CDH4: variants seen among roughly 807,000 people sequenced by gnomAD.
CDH4 encodes cadherin-4.
CDH4 carries 33 observed loss-of-function variants against 86.0 expected under a neutral mutation model. That is an observed-to-expected ratio of 0.38 (90% CI 0.29 to 0.51). CDH4 has a LOEUF of 0.51. Ranked by LOEUF, CDH4 falls within the 20% of genes least tolerant of loss-of-function variation. The probability of loss-of-function intolerance (pLI) is 0.86; values close to 1 mark genes in which losing one functional copy is unlikely to be tolerated. For synonymous variants in CDH4, 555 were observed against 549.4 expected (o/e 1.01, Z -0.14); for missense variants, 1,114 against 1,307.4 (o/e 0.85, Z 2.28).
chr20:61,841,098 C>T (rs1157976930), intron 4 of CDH4, among the ~76,000 whole-genome samples: 2 of 152,234 alleles, frequency 1.3e-5, no homozygotes, highest in Non-Finnish European at 2.9e-5. Flanking sequence ...CAGACCCCGT[C>T]CCTGGCGCCC....
At chr20:61,638,590 G>C (rs982365703) in intron 2 of CDH4, among the ~76,000 whole-genome samples, 2 of 152,088 alleles carry the variant, frequency 1.3e-5, no homozygotes, top group African/African-American at 4.8e-5. Context: ...TAGTTCCCAG[G>C]GTATTGGCTG....
At chr20:61,916,208 G>A (rs535818433) in intron 9 of CDH4, among the ~76,000 whole-genome samples, 7 of 151,918 alleles carry the variant, frequency 4.6e-5, no homozygotes, top group Non-Finnish European at 8.8e-5. Flanking sequence ...GGGGAGTGGC[G>A]GGTGGTGTGG....
intron 2 of CDH4, among the ~76,000 whole-genome samples, chr20:61,330,885 GT>G (rs2123261560): frequency 6.6e-6 from 1 of 152,252 alleles, no homozygotes; most frequent in Admixed American, 6.5e-5. Flanking sequence ...TAAAGATTGA[GT>G]TGTTTCCAGT....
intron 2 of CDH4, among the ~76,000 whole-genome samples, chr20:61,635,529 C>G (rs1473211900): frequency 6.6e-6 from 1 of 152,194 alleles, no homozygotes; most frequent in Non-Finnish European, 1.5e-5. Flanking sequence ...TTCTGTGTCC[C>G]CTCCATGTTC....
intron 2 of CDH4, among the ~76,000 whole-genome samples, chr20:61,536,460 G>A (rs1245479224): frequency 6.6e-6 from 1 of 151,722 alleles, no homozygotes; most frequent in Non-Finnish European, 1.5e-5. Context: ...GGAAGGGGAG[G>A]GAGTGGGGCA....
intron 2 of CDH4, among the ~76,000 whole-genome samples, chr20:61,657,333 G>A (rs180677073): frequency 1.8e-4 from 28 of 152,368 alleles, no homozygotes; most frequent in Admixed American, 2.6e-4. Context: ...CAAACGGGTT[G>A]CTTCCACAGA....
At chr20:61,519,920 C>T (rs1296741819) in intron 2 of CDH4, among the ~76,000 whole-genome samples, 1 of 152,162 alleles carries the variant, frequency 6.6e-6, no homozygotes, top group Non-Finnish European at 1.5e-5. Context: ...TTAGTGGTGC[C>T]CGCCGACTCT....
chr20:61,644,939 T>C (rs1123085), intron 2 of CDH4, among the ~76,000 whole-genome samples: 27,354 of 152,160 alleles, frequency 0.18, 2,585 homozygotes, highest in South Asian at 0.28. Context: ...AGGGACCCCG[T>C]CAGCCGACTC....
intron 15 of CDH4, among the ~76,000 whole-genome samples, chr20:61,935,413 C>T (rs561814546): frequency 4.6e-5 from 7 of 152,286 alleles, no homozygotes; most frequent in South Asian, 4.1e-4. Context: ...ATAATAAAAA[C>T]GTAAAGATCC....
At chr20:61,515,199 G>A (rs1321901528) in intron 2 of CDH4, among the ~76,000 whole-genome samples, 3 of 152,264 alleles carry the variant, frequency 2.0e-5, no homozygotes, top group Non-Finnish European at 4.4e-5. Flanking sequence ...GCACCGGCAG[G>A]CCCTGCTGCT....
Position 61,518,035 on chromosome 20 carries a change from C to T in CDH4, c.170-225528C>T, listed in dbSNP as rs2085836463. ...GGGGAGGATGCCTCAGCCCAGGTTA[C>T]CTGATCCCTTTTCAGGCGCTATTTT... On this transcript the variant is annotated intron_variant, in intron 2 of 15. Transcript: ENST00000614565. This position sits in a 1 kb window ranked among gnomAD's most constrained non-coding sequence, Gnocchi z 6.3. 6.6e-6 allele frequency among the ~76,000 whole-genome samples: 1 copy of T among 152,158 alleles called. No homozygotes were observed. The highest frequency in any genetic ancestry group is 1.5e-5 in the Non-Finnish European group (1 of 68,030).
At chr20:61,588,780 A>T (rs537116736) in intron 2 of CDH4, among the ~76,000 whole-genome samples, 8 of 152,184 alleles carry the variant, frequency 5.3e-5, no homozygotes, top group Non-Finnish European at 1.0e-4. Context: ...CTTTCCCGAG[A>T]AAAGCCGACA....
chr20:61,482,038 T>C (rs2085571156), intron 2 of CDH4, among the ~76,000 whole-genome samples: 2 of 152,216 alleles, frequency 1.3e-5, no homozygotes, highest in Non-Finnish European at 2.9e-5. Flanking sequence ...TGCAGCTTCA[T>C]TTTTCAGCAA....
chr20:61,788,811 C>T lies in CDH4; in HGVS notation c.576+15629C>T, dbSNP rs373671289. Among the ~76,000 whole-genome samples, 27 of 152,274 alleles carry T rather than the reference C, an allele frequency of 1.8e-4. 1 individual carries two copies. The highest frequency in any genetic ancestry group is 7.7e-4 in the East Asian group (4 of 5,184). Reference sequence around the variant, plus strand: ...CTCAGAGAAACAAGGGCATGGGAGACGAGGCCCAAAAGCAAAGCCAATGAG... The same window carrying T: ...CTCAGAGAAACAAGGGCATGGGAGATGAGGCCCAAAAGCAAAGCCAATGAG... On this transcript the variant is annotated intron_variant, in intron 4 of 15. Coordinates refer to ENST00000614565, the MANE Select transcript of CDH4 (RefSeq NM_001794.5).
chr20:61,565,782 G>A (rs1346571700), intron 2 of CDH4, among the ~76,000 whole-genome samples: 1 of 152,194 alleles, frequency 6.6e-6, no homozygotes, highest in Non-Finnish European at 1.5e-5. Flanking sequence ...TCCACGTAGG[G>A]AACAGCATCT....
At chr20:61,786,712 A>T (rs1978899681) in intron 4 of CDH4, among the ~76,000 whole-genome samples, 1 of 152,204 alleles carries the variant, frequency 6.6e-6, no homozygotes, top group South Asian at 2.1e-4. Flanking sequence ...ATATTCAGGG[A>T]TTTAATTTTG....
At chr20:61,907,359 AGGATCCCGTGTGGCCACAGCCT>A (rs2054801171) in intron 8 of CDH4, among the ~76,000 whole-genome samples, 5 of 151,920 alleles carry the variant, frequency 3.3e-5, no homozygotes, top group Middle Eastern at 3.4e-3. Flanking sequence ...CTGGCCGCCC[AGGATCCCGTGTGGCCACAGCCT>A]CAGCAAGGGC....
At chr20:61,655,918 G>T (rs1267875245) in intron 2 of CDH4, among the ~76,000 whole-genome samples, 3 of 152,230 alleles carry the variant, frequency 2.0e-5, no homozygotes, top group Non-Finnish European at 4.4e-5. Flanking sequence ...TGTGCCTGGA[G>T]AGGACGTGGT....
chr20:61,639,724 C>T (rs1012299626), intron 2 of CDH4, among the ~76,000 whole-genome samples: 2 of 151,882 alleles, frequency 1.3e-5, no homozygotes, highest in East Asian at 1.9e-4. Flanking sequence ...ATATTCTTAA[C>T]GCAGCGCAGA....
Sources: allele counts gnomAD v4.1 joint callset (sites outside exome capture counted in the v4.1 genomes callset), GRCh38; gene constraint gnomAD v4.1.1; non-coding constraint Gnocchi (gnomAD v3.1); transcripts MANE v1.5; gene names NCBI Gene and HGNC (gene_info 2026-07-23, HGNC 2026-07-21).